OR5D3: variants seen among roughly 807,000 people sequenced by gnomAD.
The protein encoded by OR5D3 is olfactory receptor 5D3.
the OR5D3 span, chr11:55,723,836 C>T: frequency 2.7e-6 from 1 of 363,660 alleles, no homozygotes; most frequent in South Asian, 1.5e-4. Context: ...GACTTAGTTT[C>T]TAGATGTGAC....
the OR5D3 span, chr11:55,729,463 G>C: frequency 6.6e-6 from 1 of 151,866 alleles, no homozygotes; most frequent in Non-Finnish European, 1.5e-5. Context: ...TCACTTCTTA[G>C]TGGATTAACA....
chr11:55,727,538 AAC>A, the OR5D3 span: 1 of 153,354 alleles, frequency 6.5e-6, no homozygotes, highest in Non-Finnish European at 1.4e-5. Context: ...TTCAGTATAA[AAC>A]ACTATCTATA....
the OR5D3 span, chr11:55,727,884 TC>T: frequency 2.6e-5 from 4 of 151,976 alleles, no homozygotes; most frequent in African/African-American, 9.7e-5. Context: ...TTAACCAGTT[TC>T]CCCCTAAGAT....
the OR5D3 span, among the ~76,000 whole-genome samples, chr11:55,725,403 T>C: frequency 6.6e-6 from 1 of 152,040 alleles, no homozygotes; most frequent in Non-Finnish European, 1.5e-5. Flanking sequence ...AATGCAATTT[T>C]CCTAAAAACT....
At chr11:55,728,885 G>A in the OR5D3 span, 1 of 151,972 alleles carries the variant, frequency 6.6e-6, no homozygotes, top group Non-Finnish European at 1.5e-5. Flanking sequence ...GTGTGTATGT[G>A]TGTGCATATG....
chr11:55,729,334 C>T, the OR5D3 span: 1 of 151,854 alleles, frequency 6.6e-6, no homozygotes, highest in Non-Finnish European at 1.5e-5. Flanking sequence ...TTGTATGCTG[C>T]TCTTCTTTTA....
the OR5D3 span, among the ~76,000 whole-genome samples, chr11:55,725,915 G>A: frequency 1.3e-5 from 2 of 152,026 alleles, no homozygotes; most frequent in African/African-American, 4.8e-5. Flanking sequence ...CAAACTTAGA[G>A]TGGCTCTTCT....
the OR5D3 span, chr11:55,724,199 T>C: frequency 2.6e-6 from 1 of 386,280 alleles, no homozygotes; most frequent in Non-Finnish European, 4.6e-6. Flanking sequence ...CCTATGTTGT[T>C]ATATCCTGAT....
the OR5D3 span, among the ~76,000 whole-genome samples, chr11:55,725,628 A>T: frequency 6.6e-6 from 1 of 152,184 alleles, no homozygotes; most frequent in South Asian, 2.1e-4. Flanking sequence ...AATTTTTTCA[A>T]GTTGAGTTCA....
At chr11:55,725,559 T>C in the OR5D3 span, among the ~76,000 whole-genome samples, 1 of 152,038 alleles carries the variant, frequency 6.6e-6, no homozygotes, top group East Asian at 1.9e-4. Flanking sequence ...ATACATCACA[T>C]ATTTTGTTGC....
chr11:55,726,651 T>G, the OR5D3 span: 6 of 400,256 alleles, frequency 1.5e-5, no homozygotes, highest in Non-Finnish European at 2.7e-5. Flanking sequence ...TGTTAGTGGC[T>G]GCATCATACT....
At chr11:55,724,967 A>G in the OR5D3 span, among the ~76,000 whole-genome samples, 1 of 152,020 alleles carries the variant, frequency 6.6e-6, no homozygotes, top group African/African-American at 2.4e-5. Context: ...AAATATAGTT[A>G]TGACTTAGAC....
the OR5D3 span, chr11:55,727,281 G>A: frequency 2.5e-5 from 10 of 394,292 alleles, no homozygotes; most frequent in Non-Finnish European, 4.0e-5. Context: ...CTGATGTTTA[G>A]TAAAATAACT....
chr11:55,729,491 T>C, the OR5D3 span: 3 of 151,984 alleles, frequency 2.0e-5, no homozygotes, highest in Non-Finnish European at 4.4e-5. Flanking sequence ...AAATTATATC[T>C]GGACCATTTT....
the OR5D3 span, chr11:55,729,395 G>A: frequency 6.6e-6 from 1 of 151,874 alleles, no homozygotes; most frequent in Non-Finnish European, 1.5e-5. Context: ...ATGGAGGGCT[G>A]TGGCAGGACA....
the OR5D3 span, chr11:55,728,068 T>C: frequency 6.6e-6 from 1 of 152,038 alleles, no homozygotes; most frequent in Non-Finnish European, 1.5e-5. Flanking sequence ...AGTTCGACCA[T>C]TTGGGTGTCA....
the OR5D3 span, chr11:55,723,822 C>G: frequency 2.8e-6 from 1 of 356,156 alleles, no homozygotes; most frequent in Admixed American, 4.7e-5. Context: ...CAGTTTGGTG[C>G]TAGGACTTAG....
chr11:55,728,796 G>A, the OR5D3 span: 1 of 151,918 alleles, frequency 6.6e-6, no homozygotes, highest in Non-Finnish European at 1.5e-5. Flanking sequence ...TACAGCAAAA[G>A]TAACAGAGGA....
chr11:55,726,725 C>G, the OR5D3 span: 2 of 399,072 alleles, frequency 5.0e-6, no homozygotes, highest in Non-Finnish European at 8.8e-6. Context: ...TTTTGTAGGA[C>G]TAACTTCATT....
Sources: allele counts gnomAD v4.1 joint callset (sites outside exome capture counted in the v4.1 genomes callset), GRCh38; gene constraint gnomAD v4.1.1; transcripts MANE v1.5; gene names NCBI Gene and HGNC (gene_info 2026-07-23, HGNC 2026-07-21).